LAMA1: variants seen among roughly 807,000 people sequenced by gnomAD.
The protein encoded by LAMA1 is laminin subunit alpha-1.
LAMA1 carries 219 observed loss-of-function variants against 348.7 expected under a neutral mutation model. That is an observed-to-expected ratio of 0.63 (90% confidence interval 0.56 to 0.70). LAMA1 has a LOEUF of 0.70. LAMA1 is among the 30% of genes least tolerant of loss of function. The probability of loss-of-function intolerance (pLI) is 0.00; values close to 1 mark genes in which losing one functional copy is unlikely to be tolerated. For synonymous variants in LAMA1, 1,487 were observed against 1,491.0 expected (o/e 1.00, Z 0.06); for missense variants, 3,744 against 3,888.0 (o/e 0.96, Z 0.99).
At chr18:7,002,196 GA>G in intron 30 of LAMA1, 67 bp downstream of exon 30, 1 of 1,592,296 alleles carries the variant, frequency 6.3e-7, no homozygotes, top group Non-Finnish European at 8.5e-7. Flanking sequence ...AGAGACCCTT[GA>G]AAATGAGGCT....
intron 1 of LAMA1, among the ~76,000 whole-genome samples, chr18:7,085,942 A>G (rs917681103): frequency 6.6e-6 from 1 of 152,250 alleles, no homozygotes; most frequent in Non-Finnish European, 1.5e-5. Context: ...ATATCAAGGT[A>G]TTCTAATAAC....
intron 19 of LAMA1, among the ~76,000 whole-genome samples, chr18:7,022,810 C>T (rs1021942477): frequency 1.3e-5 from 2 of 152,318 alleles, no homozygotes; most frequent in Admixed American, 1.3e-4. Context: ...CCTCGTGCAG[C>T]CTCTGAAGCA....
intron 45 of LAMA1, among the ~76,000 whole-genome samples, chr18:6,975,430 C>A (rs1215092032): frequency 6.6e-6 from 1 of 152,224 alleles, no homozygotes; most frequent in Non-Finnish European, 1.5e-5. Context: ...TGAGGTCCCA[C>A]CCCTGTCACA....
chr18:7,048,680 C>T (rs1362855332), intron 5 of LAMA1, among the ~76,000 whole-genome samples: 5 of 152,218 alleles, frequency 3.3e-5, no homozygotes, highest in African/African-American at 4.8e-5. Context: ...ACCAGTCTTA[C>T]ACACTTAACT....
chr18:7,076,736 T>C (rs1461102980), intron 3 of LAMA1: 1 of 151,964 alleles, frequency 6.6e-6, no homozygotes. Flanking sequence ...AAAAGAGTTA[T>C]TAAGAAATTA....
intron 48 of LAMA1, among the ~76,000 whole-genome samples, chr18:6,966,715 G>C (rs2057634930): frequency 6.6e-6 from 1 of 152,150 alleles, no homozygotes; most frequent in Non-Finnish European, 1.5e-5. Flanking sequence ...GGAAACTAGA[G>C]TTATGATGGA....
At position 7,045,129 on chromosome 18, in the gene LAMA1, T is replaced by A. The variant is rs543086400; in HGVS notation, c.859-290A>T. On this transcript the variant is annotated intron_variant, in intron 6 of 62. Transcript: ENST00000389658. ...CTTATTAAGGGTTTAGAAACTCCTA[T>A]TAATAATTTTCTTAGTGTTCATCTA... 1.6e-4 allele frequency among the ~76,000 whole-genome samples: 25 copies of A among 152,322 alleles called. No homozygotes were observed. In the South Asian group the frequency reaches 2.3e-3, roughly 14 times the overall value.
At chr18:7,116,608 T>A (rs1185132511) in intron 1 of LAMA1, among the ~76,000 whole-genome samples, 1 of 152,176 alleles carries the variant, frequency 6.6e-6, no homozygotes, top group Non-Finnish European at 1.5e-5. Context: ...AATTTTTTTT[T>A]AATGAAGTTT....
chr18:7,109,943 G>A (rs967053487), intron 1 of LAMA1, among the ~76,000 whole-genome samples: 4 of 152,302 alleles, frequency 2.6e-5, no homozygotes, highest in South Asian at 4.1e-4. Context: ...CAGCACTTTG[G>A]GAGGCCAAGG....
chr18:6,944,868 C>T (rs1046233676), intron 61 of LAMA1, among the ~76,000 whole-genome samples: 1 of 152,034 alleles, frequency 6.6e-6, no homozygotes, highest in South Asian at 2.1e-4. Flanking sequence ...TATGAAACTG[C>T]TCAGTATTAT....
chr18:7,002,539 A>G (rs976025072), intron 29 of LAMA1, among the ~76,000 whole-genome samples, 154 bp from the exon 30 acceptor site: 1 of 152,226 alleles, frequency 6.6e-6, no homozygotes, highest in African/African-American at 2.4e-5. Flanking sequence ...TATTCTTAAA[A>G]TCCTGAAAAC....
chr18:6,980,544 A>G lies in LAMA1; in HGVS notation c.5984T>C (p.Leu1995Ser). Residue 1995 changes from leucine to serine, a missense_variant, in exon 42 of 63, where the codon TTG becomes TCG. Transcript: ENST00000389658. ...ACCTTTAGGAATTGCTCTAAGTATC[A>G]AGAGTGATTCATTGGTTTGCCTGGT... ...EITRQTNESL[L>S]ILRAIPKGIR... 6.2e-7 allele frequency: 1 copy of G among 1,609,198 alleles called. No individual in the cohort carries two copies. The highest frequency in any genetic ancestry group is 1.3e-5 in the African/African-American group (1 of 74,964).
intron 19 of LAMA1, among the ~76,000 whole-genome samples, chr18:7,020,999 T>G (rs1457471580): frequency 6.6e-6 from 1 of 152,186 alleles, no homozygotes; most frequent in Non-Finnish European, 1.5e-5. Context: ...CCGACGTGGC[T>G]GCTTCCCACC....
Position 6,950,029 on chromosome 18 carries a change from T to C in LAMA1, c.8397+753A>G, listed in dbSNP as rs143057526. On this transcript the variant is annotated intron_variant, in intron 58 of 62. Transcript: ENST00000389658. ...CTCCAATTGCCCCATATAGATAACA[T>C]TGCTATTGTAAAACCTAGGACTGGC... Among the ~76,000 whole-genome samples, 3 of 152,222 alleles carry C rather than the reference T, an allele frequency of 2.0e-5. No individual in the cohort carries two copies. The East Asian group carries it at 5.8e-4, about 29-fold the overall frequency.
chr18:6,995,488 A>T (rs144427701), intron 33 of LAMA1, 42 bp from the exon 34 acceptor site: 412 of 1,042,530 alleles, frequency 4.0e-4, no homozygotes, highest in Middle Eastern at 8.1e-4. Context: ...CTTCGAAGTA[A>T]AATGTTCTGA....
rs1362426892 is a variant in LAMA1, at chr18:7,023,346, G to T, written c.2519C>A (p.Thr840Lys). The T allele has an allele frequency of 6.2e-7, 1 of 1,614,050 alleles. No individual in the cohort carries two copies. Among genetic ancestry groups the T allele is most frequent in the Non-Finnish European group, 8.5e-7 (1 of 1,180,040 alleles). Reference sequence around the variant, plus strand: ...GGGAACACAAGATTCGCCAGGCACTGTTGGGTTTCCATAGTAACCATCTGC... The same window carrying T: ...GGGAACACAAGATTCGCCAGGCACTTTTGGGTTTCCATAGTAACCATCTGC... ...RCADGYYGNP[T>K]VPGESCVPCD... The change falls in exon 19 of 63, where the codon ACA becomes AAA. Residue 840 changes from threonine to lysine, a missense_variant. By Grantham distance (78) the Thr-to-Lys change is moderately conservative. This residue lies in a region of LAMA1 where 1,529 missense variants were observed against 1,689.4 expected (regional missense o/e 0.91). Transcript: ENST00000389658.
rs761889405 is a variant in LAMA1 at position 7,015,785 on chromosome 18, C to T, written c.3063G>A (p.Gln1021=). ...TGECVCPPHT[Q]GVKCEECEDG... ...CCTCACATTCTTCACACTTCACACC[C>T]TGTGTGTGAGGGGGGCAGACACACT... The change falls in exon 22 of 63, where the codon CAG becomes CAA. Residue 1021 remains glutamine, a synonymous_variant. Coordinates refer to ENST00000389658, the MANE Select transcript of LAMA1 (RefSeq NM_005559.4). The T allele has an allele frequency of 2.5e-6, 4 of 1,614,154 alleles. No homozygotes were observed. In the Admixed American group the frequency reaches 6.7e-5, roughly 27 times the overall value.
chr18:6,982,312 T>C (rs1265422239), intron 41 of LAMA1, among the ~76,000 whole-genome samples, 185 bp downstream of exon 41: 4 of 152,166 alleles, frequency 2.6e-5, no homozygotes, highest in African/African-American at 4.8e-5. Flanking sequence ...CCAAATTATA[T>C]GAAGTTTATA....
At chr18:7,025,471 C>A (rs557355201) in intron 17 of LAMA1, among the ~76,000 whole-genome samples, 43 of 152,294 alleles carry the variant, frequency 2.8e-4, no homozygotes, top group Non-Finnish European at 4.4e-4. Context: ...TCCCCTGGGG[C>A]CCACGGCCAG....
Sources: gnomAD v4.1 joint callset for allele counts (sites outside exome capture counted in the v4.1 genomes callset) on GRCh38, gnomAD v4.1.1 for gene constraint, gnomAD v4.1.1 regional missense constraint, MANE v1.5 for transcripts, NCBI Gene and HGNC (gene_info 2026-07-23, HGNC 2026-07-21) for gene names.